Variants in MITF observed in about 807,000 individuals in gnomAD.
MITF encodes the protein melanocyte inducing transcription factor, also known as microphthalmia-associated transcription factor.
A neutral mutation model predicts 60.5 loss-of-function variants in MITF; 17 were observed. That is an observed-to-expected ratio of 0.28 (90% CI 0.19 to 0.42). MITF has a LOEUF of 0.42. Ranked by LOEUF, MITF falls within the 10% of genes least tolerant of loss-of-function variation. MITF has a pLI of 1.00. For missense variants in MITF, 622 were observed against 683.5 expected, an observed-to-expected ratio of 0.91 and a Z score of 1.00; for synonymous variants, 260 against 248.5, an observed-to-expected ratio of 1.05 and a Z score of -0.43.
intron 2 of MITF, among the ~76,000 whole-genome samples, chr3:69,888,890 C>T (rs553566041): frequency 6.6e-6 from 1 of 151,602 alleles, no homozygotes; most frequent in Non-Finnish European, 1.5e-5. Context: ...AAATTTAAAA[C>T]AAAAAACGAA....
chr3:69,933,421 G>A (rs1046080046), intron 2 of MITF, among the ~76,000 whole-genome samples: 1 of 152,028 alleles, frequency 6.6e-6, no homozygotes, highest in African/African-American at 2.4e-5. Context: ...TGAAACTGAT[G>A]GAAAATAACC....
At chr3:69,902,277 T>C (rs1386021130) in intron 2 of MITF, among the ~76,000 whole-genome samples, 1 of 152,204 alleles carries the variant, frequency 6.6e-6, no homozygotes, top group Non-Finnish European at 1.5e-5. Flanking sequence ...TATTTATTTT[T>C]CCCATTTACA....
Position 69,937,814 on chromosome 3 carries a change from A to G in MITF, c.355-8A>G, listed in dbSNP as rs876657867. ...GCTGTTTTCTTTTCCCTCCATGGCT[A>G]TGTTCAGGTGCAGACCCACCTCGAA... is the stretch of plus-strand genomic sequence containing the variant. On this transcript the variant is annotated splice_region_variant and splice_polypyrimidine_tract_variant and intron_variant, in intron 2 of 9. Transcript: ENST00000352241. The G allele has an allele frequency of 1.3e-5, 21 of 1,612,308 alleles. No homozygotes were observed. The highest frequency in any genetic ancestry group is 1.7e-5 in the Admixed American group (1 of 59,978).
At chr3:69,931,026 G>A (rs116359091) in intron 2 of MITF, among the ~76,000 whole-genome samples, 2,268 of 152,306 alleles carry the variant, frequency 0.015, 20 homozygotes, top group Non-Finnish European at 0.024. Context: ...ACTGTGTCGA[G>A]ACTTTCAAGA....
chr3:69,864,256 G>C (rs748260679), intron 1 of MITF, among the ~76,000 whole-genome samples: 1 of 152,112 alleles, frequency 6.6e-6, no homozygotes, highest in African/African-American at 2.4e-5. Flanking sequence ...ATAAATAAAC[G>C]TCAGAATCTA....
chr3:69,779,714 A>T (rs1425841755), intron 1 of MITF, among the ~76,000 whole-genome samples: 1 of 152,174 alleles, frequency 6.6e-6, no homozygotes, highest in Non-Finnish European at 1.5e-5. Context: ...TAAAATTAAA[A>T]TTAAAATTTT....
At chr3:69,782,898 G>A (rs1309954615) in intron 1 of MITF, among the ~76,000 whole-genome samples, 1 of 152,158 alleles carries the variant, frequency 6.6e-6, no homozygotes, top group Non-Finnish European at 1.5e-5. Flanking sequence ...TTTTGCACAT[G>A]CCTCAGAGAA....
intron 1 of MITF, among the ~76,000 whole-genome samples, chr3:69,856,581 A>G (rs1319894302): frequency 1.3e-5 from 2 of 152,168 alleles, no homozygotes; most frequent in East Asian, 1.9e-4. Context: ...TCTATTTGAG[A>G]TCATCTTGTA....
At chr3:69,938,985 T>G in intron 3 of MITF, 113 bp from the exon 4 acceptor site, 2 of 1,547,166 alleles carry the variant, frequency 1.3e-6, no homozygotes, top group South Asian at 2.4e-5. Context: ...GATTCCACTT[T>G]GTTTGAAAGC....
At chr3:69,827,326 C>T (rs1461367292) in intron 1 of MITF, among the ~76,000 whole-genome samples, 3 of 152,186 alleles carry the variant, frequency 2.0e-5, no homozygotes, top group African/African-American at 7.2e-5. Flanking sequence ...CTAAGTTTTG[C>T]TGCATTAACA....
At chr3:69,887,384 C>T (rs2064645621) in intron 2 of MITF, among the ~76,000 whole-genome samples, 1 of 152,042 alleles carries the variant, frequency 6.6e-6, no homozygotes, top group Non-Finnish European at 1.5e-5. Context: ...ATATGTAAAT[C>T]AGTACAGTGG....
intron 2 of MITF, among the ~76,000 whole-genome samples, chr3:69,882,651 G>A (rs2064516286): frequency 6.6e-6 from 1 of 152,144 alleles, no homozygotes; most frequent in Admixed American, 6.5e-5. Context: ...CAAACCTGAA[G>A]TTTGAAATTT....
intron 1 of MITF, among the ~76,000 whole-genome samples, chr3:69,772,345 C>T (rs2062406519): frequency 1.3e-5 from 2 of 152,154 alleles, no homozygotes; most frequent in Admixed American, 6.6e-5. Context: ...CATGGAGGCT[C>T]AGCTGTGCCA....
intron 5 of MITF, among the ~76,000 whole-genome samples, chr3:69,947,388 T>C (rs996234556): frequency 3.9e-5 from 6 of 152,208 alleles, no homozygotes; most frequent in African/African-American, 1.4e-4. Context: ...TTTTGAAACA[T>C]GTGAGTGCCT....
At chr3:69,768,956 G>A (rs1047069401) in intron 1 of MITF, among the ~76,000 whole-genome samples, 2 of 152,160 alleles carry the variant, frequency 1.3e-5, no homozygotes, top group Admixed American at 1.3e-4. Flanking sequence ...GATTTGGAGA[G>A]GCAATAGCTT....
At chr3:69,956,407 A>G (rs747638915) in intron 7 of MITF, 48 bp from the exon 8 acceptor site, 2 of 1,441,350 alleles carry the variant, frequency 1.4e-6, no homozygotes, top group South Asian at 2.3e-5. Context: ...TGCTAAATGC[A>G]TACATGGCAC....
intron 1 of MITF, among the ~76,000 whole-genome samples, chr3:69,787,134 C>T (rs922829085): frequency 2.6e-5 from 4 of 152,146 alleles, no homozygotes; most frequent in South Asian, 2.1e-4. Flanking sequence ...AAGCTCAAAC[C>T]GTTCTTATTG....
intron 1 of MITF, among the ~76,000 whole-genome samples, chr3:69,806,720 G>A (rs914542989): frequency 1.3e-5 from 2 of 152,242 alleles, no homozygotes; most frequent in African/African-American, 2.4e-5. Flanking sequence ...TCAGATGCCC[G>A]GCGAGGACAG....
intron 1 of MITF, among the ~76,000 whole-genome samples, chr3:69,838,384 G>A (rs1277634327): frequency 1.3e-5 from 2 of 151,608 alleles, no homozygotes; most frequent in Non-Finnish European, 2.9e-5. Flanking sequence ...ACACAAAAAT[G>A]TGATGAGTAA....
Sources: gnomAD v4.1 joint callset for allele counts (sites outside exome capture counted in the v4.1 genomes callset) on GRCh38, gnomAD v4.1.1 for gene constraint, MANE v1.5 for transcripts, NCBI Gene and HGNC (gene_info 2026-07-23, HGNC 2026-07-21) for gene names.